Variants in RBM48 observed in about 807,000 individuals in gnomAD.
RBM48 encodes RNA binding motif protein 48, also known as RNA-binding protein 48.
In RBM48, 32 loss-of-function variants were observed where a neutral mutation model predicts 34.8. The ratio of observed to expected loss-of-function variants is 0.92; its 90% confidence interval spans 0.69 to 1.23. RBM48 has a LOEUF of 1.23. RBM48 is among the 50% of genes most tolerant of loss of function. The pLI is 0.00. For missense variants in RBM48, 441 were observed against 447.2 expected (o/e 0.99, Z 0.12); for synonymous variants, 151 against 156.2 (o/e 0.97, Z 0.25).
chr7:92,535,190 A>G, intron 4 of RBM48: 1 of 1,408,038 alleles, frequency 7.1e-7, no homozygotes, highest in Non-Finnish European at 9.2e-7. Flanking sequence ...ATTTTATATC[A>G]CTGTAGATAC....
chr7:92,529,033 G>T, intron 1 of RBM48, 109 bp downstream of exon 1: 1 of 826,126 alleles, frequency 1.2e-6, no homozygotes, highest in Non-Finnish European at 2.0e-6. Context: ...CGTCAGATCT[G>T]TCTCTCGTTA....
chr7:92,536,625 T>G, intron 4 of RBM48: 1 of 1,155,624 alleles, frequency 8.7e-7, no homozygotes, highest in Non-Finnish European at 1.1e-6. Flanking sequence ...CCTCCAAATT[T>G]TTTTTCTTTT....
Position 92,529,502 on chromosome 7 carries a change from G to A in RBM48, c.138G>A (p.Gln46=). The change falls in exon 2 of 5, where the codon CAG becomes CAA. Residue 46 remains glutamine, a synonymous_variant. Coordinates refer to ENST00000265732, the MANE Select transcript of RBM48 (RefSeq NM_032120.4). The stretch of plus-strand genomic sequence containing the variant: ...TATATACAATCAATTTGGAATCTCA[G>A]TACTTATTAATACAAGGAGTTCCTG... ...VKVYTINLES[Q]YLLIQGVPAV... 3 of 1,606,594 alleles carry A rather than the reference G, an allele frequency of 1.9e-6. No individual in the cohort carries two copies. The highest frequency in any genetic ancestry group is 2.6e-6 in the Non-Finnish European group (3 of 1,175,506).
chr7:92,534,231 G>GT, intron 3 of RBM48, 171 bp from the exon 4 acceptor site: 1 of 969,688 alleles, frequency 1.0e-6, no homozygotes, highest in Non-Finnish European at 1.5e-6. Flanking sequence ...CTTTTTATCC[G>GT]TTTTAGGTTT....
intron 1 of RBM48, 111 bp from the exon 2 acceptor site, chr7:92,529,365 G>T: frequency 1.5e-6 from 1 of 660,040 alleles, no homozygotes. Context: ...TTTGCTGACT[G>T]GGTTGAACAG....
intron 4 of RBM48, 123 bp downstream of exon 4, chr7:92,535,093 TC>T: frequency 6.7e-7 from 1 of 1,483,000 alleles, no homozygotes. Flanking sequence ...GATGTGTTTT[TC>T]TACAGTTCTC....
Position 92,529,807 on chromosome 7 carries a change from G to A in RBM48, c.302+141G>A. The A allele has an allele frequency of 8.7e-6, 5 of 576,512 alleles. No individual in the cohort carries two copies. The South Asian group carries it at 1.2e-4, about 13-fold the overall frequency. The allele number at this position is 576,512 out of a possible 1,614,324, so 35.7% of individuals were successfully genotyped here. On this transcript the variant is annotated intron_variant, in intron 2 of 4. Coordinates refer to ENST00000265732, the MANE Select transcript of RBM48 (RefSeq NM_032120.4). ...ATATCTTCCTCCAGCCTTTTTAAAA[G>A]TTAACTTTACTGAAACACTGTATCC...
chr7:92,530,522 G>A (rs1297095518), intron 2 of RBM48, among the ~76,000 whole-genome samples: 1 of 150,318 alleles, frequency 6.7e-6, no homozygotes, highest in Non-Finnish European at 1.5e-5. Context: ...CTGGTTTGAC[G>A]CCAGGCACGT....
At chr7:92,533,627 A>G (rs537405975) in intron 3 of RBM48, among the ~76,000 whole-genome samples, 6 of 152,166 alleles carry the variant, frequency 3.9e-5, no homozygotes, top group Non-Finnish European at 2.9e-5. Context: ...GCTCTCTTTC[A>G]TCTGCAGCAT....
chr7:92,532,294 G>A (rs747133287), intron 2 of RBM48, 110 bp from the exon 3 acceptor site: 55 of 849,562 alleles, frequency 6.5e-5, no homozygotes, highest in Non-Finnish European at 9.5e-5. Flanking sequence ...ATATATACAC[G>A]TAGCAAAAGC....
intron 2 of RBM48, among the ~76,000 whole-genome samples, chr7:92,530,225 GACTCACGCCTGTA>G (rs1031518163): frequency 5.3e-5 from 8 of 151,198 alleles, no homozygotes; most frequent in African/African-American, 1.9e-4. Context: ...TGGGCGTGGT[GACTCACGCCTGTA>G]ATCCCAGCAC....
intron 3 of RBM48, among the ~76,000 whole-genome samples, chr7:92,532,959 A>T (rs960473166): frequency 1.3e-5 from 2 of 152,246 alleles, no homozygotes; most frequent in Non-Finnish European, 2.9e-5. Context: ...TAAGAAGTGA[A>T]TCATGGAGGG....
rs916046387 is a variant in RBM48 at position 92,538,222 on chromosome 7, C to T, written c.*1285C>T. Among the ~76,000 whole-genome samples, 1 of 151,998 alleles carries T rather than the reference C, an allele frequency of 6.6e-6. No homozygotes were observed. The highest frequency in any genetic ancestry group is 1.5e-5 in the Non-Finnish European group (1 of 67,984). On this transcript the variant is annotated 3_prime_UTR_variant, in exon 5 of 5. Transcript: ENST00000265732. ...GACTTGTGTCTCAAGAACCGTGCTC[C>T]CTGAAGAAAAAGTTCCTGGTCCTTT...
In RBM48 at chr7:92,536,937, G is replaced by C; in HGVS notation, c.1104G>C (p.Ter368TyrextTer34). Reference sequence around the variant, plus strand: ...CATTAAAACAAAGAAGAAGAATATAGAGTGCCAGCAGCAACTTAGTATTTT... The same window carrying C: ...CATTAAAACAAAGAAGAAGAATATACAGTGCCAGCAGCAACTTAGTATTTT... ...SHPLKQRRRI[*>Y] The change falls in exon 5 of 5, where the codon TAG becomes TAC. Residue 368 changes from the stop codon to tyrosine (Y), a stop_lost. Transcript: ENST00000265732. The C allele has an allele frequency of 6.3e-7, 1 of 1,587,254 alleles. No individual in the cohort carries two copies. The highest frequency in any genetic ancestry group is 1.2e-5 in the South Asian group (1 of 86,254).
chr7:92,529,660 G>T lies in RBM48; in HGVS notation c.296G>T (p.Ser99Ile). ...CTTATTAAATTTATGAACTTACAAA[G>T]TGCAAGGTAATGTGCAAGTTAAGAA... is the stretch of plus-strand genomic sequence containing the variant. ...VYLIKFMNLQ[S>I]ARTAKRKMDE... Residue 99 changes from serine (S) to isoleucine (I), a missense_variant, in exon 2 of 5, where the codon AGT becomes ATT. Transcript: ENST00000265732. The T allele has an allele frequency of 6.4e-7, 1 of 1,558,658 alleles. No homozygotes were observed. The highest frequency in any genetic ancestry group is 1.8e-5 in the Admixed American group (1 of 54,588).
At position 92,536,425 on chromosome 7, in the gene RBM48, T is replaced by C. The variant is rs185119708; in HGVS notation, c.1018-426T>C. 659 of 986,004 alleles carry C rather than the reference T, an allele frequency of 6.7e-4. 7 individuals carry two copies. The African/African-American group carries it at 0.011, about 16-fold the overall frequency. The allele number at this position is 986,004 out of a possible 1,614,324, so 61.1% of individuals were successfully genotyped here. A position where few individuals can be genotyped will look rare whatever the true frequency, so the allele number is the denominator to read the frequency against. ...TCTGATGGTGTGTTTGCTTTTCCTT[T>C]TTCTCCAGGAAATTGAGGATTATAC... On this transcript the variant is annotated intron_variant, in intron 4 of 4. Coordinates refer to ENST00000265732, the MANE Select transcript of RBM48 (RefSeq NM_032120.4).
At chr7:92,530,321 C>T (rs1247053481) in intron 2 of RBM48, among the ~76,000 whole-genome samples, 2 of 151,568 alleles carry the variant, frequency 1.3e-5, no homozygotes, top group Non-Finnish European at 2.9e-5. Context: ...TGATGGAAAC[C>T]CCTCCTCTAC....
In RBM48 at chr7:92,538,485, A is replaced by G. The variant is rs1457389707; in HGVS notation, c.*1548A>G. Among the ~76,000 whole-genome samples, 2 of 152,154 alleles carry G rather than the reference A, an allele frequency of 1.3e-5. No individual in the cohort carries two copies. Among genetic ancestry groups the G allele is most frequent in the South Asian group, 2.1e-4 (1 of 4,826 alleles). ...TGGCCTCTCTCCTCACACTGATCCA[A>G]ATTAACTAGGATGGCTCCAAGTGGT... On this transcript the variant is annotated 3_prime_UTR_variant, in exon 5 of 5. Transcript: ENST00000265732.
chr7:92,536,179 G>A (rs1793707507), intron 4 of RBM48: 2 of 985,302 alleles, frequency 2.0e-6, no homozygotes, highest in Non-Finnish European at 2.4e-6. Flanking sequence ...CCTTCCTTCA[G>A]TTACAGCTGA....
Sources: allele counts gnomAD v4.1 joint callset (sites outside exome capture counted in the v4.1 genomes callset), GRCh38; gene constraint gnomAD v4.1.1; transcripts MANE v1.5; gene names NCBI Gene and HGNC (gene_info 2026-07-23, HGNC 2026-07-21).